Variants in DRC7 observed in about 807,000 individuals in gnomAD.
The protein encoded by DRC7 is dynein regulatory complex subunit 7, also known as coiled-coil domain containing 135.
A neutral mutation model predicts 104.4 loss-of-function variants in DRC7; 80 were observed. That is an observed-to-expected ratio of 0.77 (90% confidence interval 0.64 to 0.92). The LOEUF (loss-of-function observed/expected upper bound fraction) is 0.92. DRC7 is among the 40% of genes least tolerant of loss of function. The probability of loss-of-function intolerance (pLI) is 0.00; values close to 1 mark genes in which losing one functional copy is unlikely to be tolerated. For missense variants in DRC7, 1,034 were observed against 1,141.1 expected (o/e 0.91, Z 1.35); for synonymous variants, 405 against 447.3 (o/e 0.91, Z 1.19).
At chr16:57,703,880 T>A (rs1046232839) in intron 6 of DRC7, among the ~76,000 whole-genome samples, 2 of 145,258 alleles carry the variant, frequency 1.4e-5, no homozygotes, top group African/African-American at 2.6e-5. Flanking sequence ...GCCAGGAGAA[T>A]CGCTTGAACC....
In DRC7 at chr16:57,717,801, A is replaced by C. The variant is rs572853373; in HGVS notation, c.1078-546A>C. Among the ~76,000 whole-genome samples, 5 of 152,168 alleles carry C rather than the reference A, an allele frequency of 3.3e-5. No homozygotes were observed. In the South Asian group the frequency reaches 8.3e-4, roughly 25 times the overall value. On this transcript the variant is annotated intron_variant, in intron 8 of 18. Coordinates refer to ENST00000360716, the MANE Select transcript of DRC7 (RefSeq NM_001289162.2). ...AGTGATCCTTCTGTGTTGGCCTCCC[A>C]AAGTGCTGGAACTACAGGCATGAGC... is the stretch of plus-strand genomic sequence containing the variant.
chr16:57,698,241 AG>A, intron 3 of DRC7, 89 bp downstream of exon 3: 1 of 1,571,904 alleles, frequency 6.4e-7, no homozygotes, highest in Non-Finnish European at 8.7e-7. Flanking sequence ...CTGGTCTGGT[AG>A]GGTGACCAGG....
intron 8 of DRC7, chr16:57,714,671 A>C: frequency 4.8e-6 from 1 of 210,222 alleles, no homozygotes; most frequent in South Asian, 5.9e-5. Context: ...CTGGACAGTG[A>C]GGTTTCTATC....
At chr16:57,699,116 G>T in intron 4 of DRC7, 92 bp downstream of exon 4, 1 of 1,466,486 alleles carries the variant, frequency 6.8e-7, no homozygotes, top group Non-Finnish European at 9.2e-7. Flanking sequence ...AAGGTCACTG[G>T]GCCAAATCAC....
Position 57,698,979 on chromosome 16 carries a change from C to T in DRC7, c.333C>T (p.Asp111=). Residue 111 remains aspartate (D), a synonymous_variant, in exon 4 of 19, where the codon GAC becomes GAT. Coordinates refer to ENST00000360716, the MANE Select transcript of DRC7 (RefSeq NM_001289162.2). ...FSRQYSHLCP[D]RVPLFLHPLN... is the part of the protein sequence containing the mutation. ...GCCAGTACAGCCATCTGTGCCCGGA[C>T]CGCGTGCCCCTCTTCCTGCACCCCC... is the stretch of plus-strand genomic sequence containing the variant. The T allele has an allele frequency of 6.2e-7, 1 of 1,614,230 alleles. No homozygotes were observed. The highest frequency in any genetic ancestry group is 8.5e-7 in the Non-Finnish European group (1 of 1,180,034).
At position 57,698,059 on chromosome 16, in the gene DRC7, T is replaced by A; in HGVS notation, c.110T>A (p.Val37Glu). The A allele has an allele frequency of 6.2e-7, 1 of 1,613,648 alleles. No homozygotes were observed. Among genetic ancestry groups the A allele is most frequent in the African/African-American group, 1.3e-5 (1 of 74,872 alleles). The change falls in exon 3 of 19, where the codon GTG (valine) becomes GAG (glutamate). Residue 37 changes from valine to glutamate, a missense_variant. Physicochemically the swap from Val to Glu is moderately radical, Grantham distance 121 (BLOSUM62 -2). Coordinates refer to ENST00000360716, the MANE Select transcript of DRC7 (RefSeq NM_001289162.2). ...RMEKMMRPVE[V>E]RKEEITLKQE... ...GAGAAAATGATGAGGCCAGTTGAGGTGCGGAAGGAGGAAATCACCTTAAAG... is the reference window on the plus strand; with the variant it reads ...GAGAAAATGATGAGGCCAGTTGAGGAGCGGAAGGAGGAAATCACCTTAAAG...
chr16:57,714,223 T>C (rs2048817647), intron 8 of DRC7: 1 of 176,790 alleles, frequency 5.7e-6, no homozygotes, highest in Non-Finnish European at 1.2e-5. Flanking sequence ...TAACCATCTA[T>C]TGAGAAGAAG....
At chr16:57,704,624 T>C (rs544415832) in intron 6 of DRC7, among the ~76,000 whole-genome samples, 3 of 152,308 alleles carry the variant, frequency 2.0e-5, no homozygotes, top group African/African-American at 7.2e-5. Context: ...TTTCTGTCTT[T>C]ACTTCTCAGA....
At chr16:57,729,369 G>C (rs1446715456) in intron 17 of DRC7, among the ~76,000 whole-genome samples, 22 of 146,946 alleles carry the variant, frequency 1.5e-4, no homozygotes, top group Non-Finnish European at 2.8e-4. Context: ...TGAGTGGGCA[G>C]ATGGATGAAT....
Position 57,720,684 on chromosome 16 carries a change from A to C in DRC7, c.1207-983A>C, listed in dbSNP as rs565657430. Among the ~76,000 whole-genome samples the C allele has an allele frequency of 1.1e-4, 17 of 152,346 alleles. No individual in the cohort carries two copies. In the South Asian group the frequency reaches 1.2e-3, roughly 11 times the overall value. ...GACAGCCCACCCACCTGACCATCTT[A>C]GAGATTTTTGACAATACTAACTGCT... On this transcript the variant is annotated intron_variant, in intron 9 of 18. Transcript: ENST00000360716.
chr16:57,729,981 G>T (rs1441888385), intron 17 of DRC7, among the ~76,000 whole-genome samples: 1 of 142,380 alleles, frequency 7.0e-6, no homozygotes, highest in African/African-American at 2.7e-5. Context: ...CGAGTGGATA[G>T]ATGGACGGTT....
At chr16:57,721,306 G>A (rs2048899379) in intron 9 of DRC7, among the ~76,000 whole-genome samples, 1 of 152,204 alleles carries the variant, frequency 6.6e-6, no homozygotes, top group Non-Finnish European at 1.5e-5. Context: ...CCAGTTTACA[G>A]TTAAGAAAAC....
Position 57,696,495 on chromosome 16 carries a change from T to A in DRC7, c.-137T>A, listed in dbSNP as rs1423607789. On this transcript the variant is annotated 5_prime_UTR_variant, in exon 2 of 19. Transcript: ENST00000360716. Reference sequence around the variant, plus strand: ...GTCACATCGCAGGGCCACCTCTAGCTGCAAGAGAATCTGGGAAGCTGAGCA... The same window carrying A: ...GTCACATCGCAGGGCCACCTCTAGCAGCAAGAGAATCTGGGAAGCTGAGCA... 6.6e-6 allele frequency: 1 copy of A among 152,312 alleles called. No homozygotes were observed. Among genetic ancestry groups the A allele is most frequent in the African/African-American group, 2.4e-5 (1 of 41,460 alleles). 9.4% of individuals were successfully genotyped at this position (152,312 alleles called of 1,614,324 possible). A position where few individuals can be genotyped will look rare whatever the true frequency, so the allele number is the denominator to read the frequency against.
At chr16:57,720,281 T>G (rs1035327354) in intron 9 of DRC7, among the ~76,000 whole-genome samples, 15 of 152,370 alleles carry the variant, frequency 9.8e-5, no homozygotes, top group African/African-American at 3.6e-4. Flanking sequence ...CTCCACAGTC[T>G]GGGTTCTCAA....
At chr16:57,705,109 G>A (rs2048698410) in intron 7 of DRC7, 75 bp downstream of exon 7, 2 of 1,495,360 alleles carry the variant, frequency 1.3e-6, no homozygotes, top group African/African-American at 2.8e-5. Flanking sequence ...AGAGGCATAG[G>A]TCATGGAGGG....
intron 8 of DRC7, among the ~76,000 whole-genome samples, chr16:57,711,774 G>A (rs1390379217): frequency 1.3e-5 from 2 of 152,210 alleles, no homozygotes; most frequent in Non-Finnish European, 2.9e-5. Flanking sequence ...GTTGGGGGAT[G>A]CCAGGGAACC....
intron 13 of DRC7, chr16:57,725,612 T>C (rs566228137): frequency 1.9e-5 from 3 of 160,762 alleles, no homozygotes; most frequent in African/African-American, 7.2e-5. Context: ...TTTTGAGAGT[T>C]TTTTCTAATG....
chr16:57,726,213 T>G lies in DRC7; in HGVS notation c.1904T>G (p.Leu635Arg). 2 of 1,613,154 alleles carry G rather than the reference T, an allele frequency of 1.2e-6. No individual in the cohort carries two copies. Among genetic ancestry groups the G allele is most frequent in the Non-Finnish European group, 1.7e-6 (2 of 1,179,984 alleles). The change falls in exon 14 of 19, where the codon CTG becomes CGG. Residue 635 changes from leucine (L) to arginine (R), a missense_variant. Coordinates refer to ENST00000360716, the MANE Select transcript of DRC7 (RefSeq NM_001289162.2). ...ATCACGGCCTCCAAGCGCGAGTTCC[T>G]GCGGCGCACCGAGGTGGACAGCAAA... ...DHITASKREF[L>R]RRTEVDSKGN... is the part of the protein sequence containing the mutation.
At position 57,697,956 on chromosome 16, in the gene DRC7, G is replaced by A. The variant is rs1434530798; in HGVS notation, c.7G>A (p.Val3Ile). Residue 3 changes from valine to isoleucine, a missense_variant, in exon 3 of 19, where the codon GTC (valine) becomes ATC (isoleucine). Coordinates refer to ENST00000360716, the MANE Select transcript of DRC7 (RefSeq NM_001289162.2). ME[V>I]LREKVEEEEE... ...CACCCAGAGACGCTCCAGAATGGAG[G>A]TCCTGAGGGAGAAGGTGGAGGAGGA... 6.2e-7 allele frequency: 1 copy of A among 1,612,594 alleles called. No individual in the cohort carries two copies. Among genetic ancestry groups the A allele is most frequent in the Non-Finnish European group, 8.5e-7 (1 of 1,179,846 alleles).
Sources: allele counts gnomAD v4.1 joint callset (sites outside exome capture counted in the v4.1 genomes callset), GRCh38; gene constraint gnomAD v4.1.1; transcripts MANE v1.5; gene names NCBI Gene and HGNC (gene_info 2026-07-23, HGNC 2026-07-21).